NPAS3: variants seen among roughly 807,000 people sequenced by gnomAD.
NPAS3 encodes the protein neuronal PAS domain protein 3.
A neutral mutation model predicts 73.1 loss-of-function variants in NPAS3; 14 were observed. The observed-to-expected ratio is 0.19, with a 90% CI of 0.13 to 0.30. The LOEUF (loss-of-function observed/expected upper bound fraction) is 0.30. NPAS3 is among the 10% of genes least tolerant of loss of function. The probability of loss-of-function intolerance (pLI) is 1.00; values close to 1 mark genes in which losing one functional copy is unlikely to be tolerated. For synonymous variants in NPAS3, 620 were observed against 541.5 expected, an observed-to-expected ratio of 1.14 and a Z score of -2.01; for missense variants, 1,096 against 1,250.0, an observed-to-expected ratio of 0.88 and a Z score of 1.86.
chr14:33,477,090 C>T (rs769599556), intron 4 of NPAS3, among the ~76,000 whole-genome samples: 1 of 137,662 alleles, frequency 7.3e-6, no homozygotes, highest in African/African-American at 2.5e-5. Flanking sequence ...TTTGTGTACA[C>T]ACATGCAATG....
At chr14:33,062,204 A>G (rs2041129234) in intron 2 of NPAS3, among the ~76,000 whole-genome samples, 1 of 151,962 alleles carries the variant, frequency 6.6e-6, no homozygotes, top group African/African-American at 2.4e-5. Context: ...AGTGTTCCAT[A>G]GCTTCCTCTC....
intron 5 of NPAS3, among the ~76,000 whole-genome samples, chr14:33,599,256 A>G (rs2057332171): frequency 1.3e-5 from 2 of 152,180 alleles, no homozygotes; most frequent in Non-Finnish European, 2.9e-5. Context: ...CCTGTTTTGA[A>G]ACATTTTAAT....
At chr14:33,410,663 TG>T (rs1177577079) in intron 4 of NPAS3, among the ~76,000 whole-genome samples, 1 of 152,206 alleles carries the variant, frequency 6.6e-6, no homozygotes, top group Non-Finnish European at 1.5e-5. Flanking sequence ...TTGTTTTCCT[TG>T]AGATGGATGC....
intron 5 of NPAS3, among the ~76,000 whole-genome samples, chr14:33,628,163 C>G (rs1014032503): frequency 2.6e-5 from 4 of 152,174 alleles, no homozygotes; most frequent in Non-Finnish European, 5.9e-5. Context: ...TTTAAATTCT[C>G]AATAAGATTT....
chr14:33,642,137 G>T (rs2058690948), intron 5 of NPAS3, among the ~76,000 whole-genome samples: 1 of 152,076 alleles, frequency 6.6e-6, no homozygotes, highest in Non-Finnish European at 1.5e-5. Context: ...GGGCAGCGCT[G>T]AAGTTTCATT....
intron 5 of NPAS3, among the ~76,000 whole-genome samples, chr14:33,603,521 C>T (rs537555913): frequency 2.0e-5 from 3 of 152,130 alleles, no homozygotes; most frequent in Non-Finnish European, 2.9e-5. Context: ...AAGAAAACCA[C>T]ACATATTATA....
intron 5 of NPAS3, among the ~76,000 whole-genome samples, chr14:33,666,796 G>GATAA (rs2059463035): frequency 6.6e-6 from 1 of 152,146 alleles, no homozygotes; most frequent in African/African-American, 2.4e-5. Context: ...ATAAATGATA[G>GATAA]ATAAATACAT....
intron 2 of NPAS3, among the ~76,000 whole-genome samples, chr14:33,107,835 A>T (rs2138937438): frequency 6.6e-6 from 1 of 152,334 alleles, no homozygotes; most frequent in South Asian, 2.1e-4. Flanking sequence ...GTTGTTTGCC[A>T]GGAACATGGT....
At chr14:33,682,464 C>T (rs1390235552) in intron 6 of NPAS3, among the ~76,000 whole-genome samples, 1 of 152,204 alleles carries the variant, frequency 6.6e-6, no homozygotes, top group African/African-American at 2.4e-5. Context: ...AACTTACCTT[C>T]TTGCCAATCC....
At chr14:33,152,194 A>G (rs1169250548) in intron 2 of NPAS3, among the ~76,000 whole-genome samples, 1 of 152,064 alleles carries the variant, frequency 6.6e-6, no homozygotes, top group Admixed American at 6.6e-5. Context: ...CCTGGCCCCA[A>G]ATGTCAGTAG....
chr14:33,625,109 G>A (rs1198703963), intron 5 of NPAS3, among the ~76,000 whole-genome samples: 1 of 152,156 alleles, frequency 6.6e-6, no homozygotes, highest in East Asian at 1.9e-4. Flanking sequence ...CAGTGTTTGT[G>A]TTATAATCTT....
In NPAS3 at chr14:33,603,556, A is replaced by G. The variant is rs570901601; in HGVS notation, c.558+43346A>G. On this transcript the variant is annotated intron_variant, in intron 5 of 11. Transcript: ENST00000356141. Reference sequence around the variant, plus strand: ...AATTAAGTTGCTCACAATCAGTAATAAAGAGAAAGAGCAGCAAGAGGGAAA... The same window carrying G: ...AATTAAGTTGCTCACAATCAGTAATGAAGAGAAAGAGCAGCAAGAGGGAAA... 3.3e-5 allele frequency among the ~76,000 whole-genome samples: 5 copies of G among 152,318 alleles called. No individual in the cohort carries two copies. The South Asian group carries it at 1.0e-3, about 32-fold the overall frequency.
intron 4 of NPAS3, among the ~76,000 whole-genome samples, chr14:33,382,593 T>C (rs2046603764): frequency 6.6e-6 from 1 of 152,182 alleles, no homozygotes; most frequent in Non-Finnish European, 1.5e-5. Flanking sequence ...TAGCTTGTTA[T>C]ATATAAGGCT....
chr14:33,593,274 C>T (rs1484592991), intron 5 of NPAS3, among the ~76,000 whole-genome samples: 3 of 152,090 alleles, frequency 2.0e-5, no homozygotes, highest in Non-Finnish European at 4.4e-5. Flanking sequence ...TAAGGTTTGC[C>T]CAAAGTCTCA....
At chr14:33,784,745 A>ATTTATTTTT (rs1471526546) in intron 9 of NPAS3, among the ~76,000 whole-genome samples, 2 of 73,834 alleles carry the variant, frequency 2.7e-5, no homozygotes, top group African/African-American at 1.3e-4. Flanking sequence ...TTATTTATTT[A>ATTTATTTTT]TTTTTTTTTT....
intron 1 of NPAS3, among the ~76,000 whole-genome samples, chr14:32,975,878 T>C (rs2037649737): frequency 8.8e-6 from 1 of 114,050 alleles, no homozygotes; most frequent in South Asian, 3.2e-4. Flanking sequence ...TGTGTGTGTG[T>C]GTGTGTGTGT....
chr14:33,537,043 T>A (rs2054288363), intron 4 of NPAS3, among the ~76,000 whole-genome samples: 1 of 150,334 alleles, frequency 6.7e-6, no homozygotes, highest in Non-Finnish European at 1.5e-5. Flanking sequence ...AGTACAGCTA[T>A]GTTACGAAAA....
At chr14:33,685,879 G>A (rs1400735253) in intron 6 of NPAS3, among the ~76,000 whole-genome samples, 1 of 152,124 alleles carries the variant, frequency 6.6e-6, no homozygotes, top group African/African-American at 2.4e-5. Flanking sequence ...GCAGACACTG[G>A]ACCCAGGGTT....
intron 7 of NPAS3, among the ~76,000 whole-genome samples, chr14:33,751,220 A>G (rs149668647): frequency 3.3e-5 from 5 of 152,342 alleles, no homozygotes; most frequent in East Asian, 3.9e-4. Flanking sequence ...TGTAAGAGAA[A>G]GAGCATTATT....
Sources: allele counts gnomAD v4.1 joint callset (sites outside exome capture counted in the v4.1 genomes callset), GRCh38; gene constraint gnomAD v4.1.1; transcripts MANE v1.5; gene names NCBI Gene and HGNC (gene_info 2026-07-23, HGNC 2026-07-21).